The following PTPRK variants were observed in gnomAD, a reference collection of about 807,000 sequenced individuals.
PTPRK encodes the protein receptor-type tyrosine-protein phosphatase kappa.
In PTPRK, 75 loss-of-function variants were observed where a neutral mutation model predicts 178.0. The ratio of observed to expected loss-of-function variants is 0.42; its 90% CI spans 0.35 to 0.51. The LOEUF is 0.51. Ranked by LOEUF, PTPRK falls within the 20% of genes least tolerant of loss-of-function variation. PTPRK has a pLI of 0.02. For missense variants in PTPRK, 1,441 were observed against 1,797.8 expected, an observed-to-expected ratio of 0.80 and a Z score of 3.59; for synonymous variants, 637 against 620.6, an observed-to-expected ratio of 1.03 and a Z score of -0.39.
At chr6:128,187,429 T>A (rs1484518978) in intron 6 of PTPRK, among the ~76,000 whole-genome samples, 2 of 152,112 alleles carry the variant, frequency 1.3e-5, no homozygotes, top group Non-Finnish European at 2.9e-5. Flanking sequence ...CTTAAATATG[T>A]TATTTAACTT....
intron 1 of PTPRK, among the ~76,000 whole-genome samples, chr6:128,399,971 G>T (rs1234332443): frequency 1.3e-5 from 2 of 152,056 alleles, no homozygotes; most frequent in Admixed American, 1.3e-4. Context: ...TTACAACAAG[G>T]TCTAATCCAA....
chr6:128,461,918 G>A (rs146985818), intron 1 of PTPRK, among the ~76,000 whole-genome samples: 2 of 152,170 alleles, frequency 1.3e-5, no homozygotes, highest in Non-Finnish European at 2.9e-5. Flanking sequence ...CATCATTGAT[G>A]AATAATATTA....
intron 7 of PTPRK, among the ~76,000 whole-genome samples, chr6:128,154,647 C>T (rs1464891164): frequency 1.3e-5 from 2 of 151,182 alleles, no homozygotes; most frequent in Admixed American, 6.6e-5. Flanking sequence ...TTTTTAATGG[C>T]TCGCCTAAGG....
In PTPRK at chr6:127,998,808, A is replaced by G; in HGVS notation, c.2591T>C (p.Leu864Pro). Residue 864 changes from leucine to proline, a missense_variant, in exon 16 of 30, where the codon CTG becomes CCG. Physicochemically the swap from Leu to Pro is moderately conservative, Grantham distance 98 (BLOSUM62 -3). Coordinates refer to ENST00000368226, the MANE Select transcript of PTPRK (RefSeq NM_002844.4). ...GTESPYQTGQ[L>P]HPAIRVADLL... The stretch of plus-strand genomic sequence containing the variant: ...ATCAGCTACCCTGATGGCTGGATGC[A>G]GCTGTCCTGTCTGGTAAGGGGATTC... 5.6e-6 allele frequency: 9 copies of G among 1,611,214 alleles called. No homozygotes were observed. Among genetic ancestry groups the G allele is most frequent in the Non-Finnish European group, 7.6e-6 (9 of 1,178,240 alleles).
chr6:128,464,889 T>A (rs1321726159), intron 1 of PTPRK, among the ~76,000 whole-genome samples: 1 of 146,944 alleles, frequency 6.8e-6, no homozygotes, highest in African/African-American at 2.5e-5. Flanking sequence ...TCTACAGGAG[T>A]TGCAATAACA....
At chr6:128,271,674 C>A (rs1039363142) in intron 3 of PTPRK, among the ~76,000 whole-genome samples, 5 of 152,040 alleles carry the variant, frequency 3.3e-5, no homozygotes, top group African/African-American at 9.7e-5. Context: ...CCTAGCAGCA[C>A]ACTGGTGTTC....
intron 11 of PTPRK, 67 bp downstream of exon 11, chr6:128,078,746 T>C (rs1489029933): frequency 1.7e-6 from 2 of 1,163,760 alleles, no homozygotes; most frequent in Non-Finnish European, 2.5e-6. Flanking sequence ...GTTTTAGGCA[T>C]ACTTGGGCAT....
chr6:128,026,614 T>C (rs529498536), intron 13 of PTPRK, among the ~76,000 whole-genome samples: 1 of 152,300 alleles, frequency 6.6e-6, no homozygotes, highest in Non-Finnish European at 1.5e-5. Context: ...TAATATACAA[T>C]TACTGGTATT....
At chr6:128,123,684 G>T (rs1792848322) in intron 7 of PTPRK, among the ~76,000 whole-genome samples, 1 of 152,016 alleles carries the variant, frequency 6.6e-6, no homozygotes, top group Non-Finnish European at 1.5e-5. Flanking sequence ...TTCTGTTCCA[G>T]GTTCCCAACC....
chr6:128,113,401 T>A (rs1441631249), intron 7 of PTPRK, among the ~76,000 whole-genome samples: 1 of 149,674 alleles, frequency 6.7e-6, no homozygotes, highest in Non-Finnish European at 1.5e-5. Context: ...ATATATAAAA[T>A]AACATATATA....
At chr6:128,006,924 A>G (rs1171103549) in intron 14 of PTPRK, among the ~76,000 whole-genome samples, 1 of 150,936 alleles carries the variant, frequency 6.6e-6, no homozygotes, top group East Asian at 1.9e-4. Context: ...AAGACATGGA[A>G]CTGTTTTCCG....
chr6:128,098,384 G>A (rs1788242059), intron 7 of PTPRK, among the ~76,000 whole-genome samples: 1 of 152,136 alleles, frequency 6.6e-6, no homozygotes, highest in South Asian at 2.1e-4. Flanking sequence ...GGGTGTGCTA[G>A]TTGTCAGCCT....
intron 2 of PTPRK, among the ~76,000 whole-genome samples, chr6:128,349,865 TG>T (rs1405549621): frequency 6.6e-6 from 1 of 152,140 alleles, no homozygotes; most frequent in African/African-American, 2.4e-5. Context: ...AGGAGACTTA[TG>T]GGTCAGGTGA....
chr6:128,077,387 T>G (rs1784027609), intron 11 of PTPRK, among the ~76,000 whole-genome samples: 3 of 152,024 alleles, frequency 2.0e-5, no homozygotes, highest in Admixed American at 1.3e-4. Context: ...GCCAACTCTT[T>G]TTCTCTGGTA....
intron 29 of PTPRK, 112 bp downstream of exon 29, chr6:127,972,910 C>T (rs72975916): frequency 0.13 from 145,200 of 1,090,494 alleles, 10,508 homozygotes; most frequent in Non-Finnish European, 0.15. Flanking sequence ...GTCCCCACAA[C>T]GTCTCATTTT....
chr6:128,118,082 T>G (rs1791852612), intron 7 of PTPRK, among the ~76,000 whole-genome samples: 1 of 152,206 alleles, frequency 6.6e-6, no homozygotes, highest in Admixed American at 6.5e-5. Flanking sequence ...AACCCACTCA[T>G]CATGCAAAGA....
intron 1 of PTPRK, among the ~76,000 whole-genome samples, chr6:128,518,108 C>T (rs1858365597): frequency 6.6e-6 from 1 of 152,136 alleles, no homozygotes; most frequent in Admixed American, 6.5e-5. Flanking sequence ...ACTTTAAACT[C>T]TGGGAATAAA....
At chr6:128,055,083 T>C (rs1779673954) in intron 13 of PTPRK, among the ~76,000 whole-genome samples, 1 of 152,182 alleles carries the variant, frequency 6.6e-6, no homozygotes, top group Non-Finnish European at 1.5e-5. Context: ...CATCTTTCTC[T>C]TTCCATATAT....
At chr6:128,054,655 C>A (rs984640841) in intron 13 of PTPRK, among the ~76,000 whole-genome samples, 2 of 152,170 alleles carry the variant, frequency 1.3e-5, no homozygotes, top group African/African-American at 4.8e-5. Context: ...ACTTTTCCAG[C>A]CACTTTGTCT....
Sources: gnomAD v4.1 joint callset for allele counts (sites outside exome capture counted in the v4.1 genomes callset) on GRCh38, gnomAD v4.1.1 for gene constraint, MANE v1.5 for transcripts, NCBI Gene and HGNC (gene_info 2026-07-23, HGNC 2026-07-21) for gene names.